Variants in ACAP2 observed in about 807,000 individuals in gnomAD.
ACAP2 encodes ArfGAP with coiled-coil, ankyrin repeat and PH domains 2, also known as arf-GAP with coiled-coil, ANK repeat and PH domain-containing protein 2.
A neutral mutation model predicts 115.8 loss-of-function variants in ACAP2; 39 were observed. The ratio of observed to expected loss-of-function variants is 0.34; its 90% CI spans 0.26 to 0.44. The LOEUF (loss-of-function observed/expected upper bound fraction) is 0.44, where lower values mean the gene tolerates loss of function less well. ACAP2 is among the 20% of genes least tolerant of loss of function. The probability of loss-of-function intolerance (pLI) is 1.00; values close to 1 mark genes in which losing one functional copy is unlikely to be tolerated. For missense variants in ACAP2, 662 were observed against 927.6 expected (o/e 0.71, Z 3.72); for synonymous variants, 289 against 315.8 (o/e 0.92, Z 0.90).
chr3:195,331,699 T>C (rs976858064), intron 8 of ACAP2, among the ~76,000 whole-genome samples: 1 of 152,010 alleles, frequency 6.6e-6, no homozygotes, highest in Admixed American at 6.6e-5. Context: ...AAATCGACAG[T>C]GTTAAAATAA....
chr3:195,343,803 A>G (rs534081874), intron 5 of ACAP2, among the ~76,000 whole-genome samples: 4 of 152,344 alleles, frequency 2.6e-5, no homozygotes, highest in Admixed American at 2.6e-4. Context: ...CTTGAAGACA[A>G]ATGATTTTAT....
intron 20 of ACAP2, among the ~76,000 whole-genome samples, chr3:195,289,658 T>C (rs1045924967): frequency 2.7e-5 from 4 of 147,706 alleles, no homozygotes; most frequent in African/African-American, 5.0e-5. Context: ...AAAAAAAACA[T>C]AGCCGGGTGT....
intron 11 of ACAP2, among the ~76,000 whole-genome samples, chr3:195,308,495 A>G (rs1728558418): frequency 6.6e-6 from 1 of 152,186 alleles, no homozygotes. Flanking sequence ...AAGTATGTAC[A>G]ACTAATATAT....
At chr3:195,414,597 T>C (rs1713562296) in intron 1 of ACAP2, among the ~76,000 whole-genome samples, 1 of 152,066 alleles carries the variant, frequency 6.6e-6, no homozygotes, top group Non-Finnish European at 1.5e-5. Flanking sequence ...CATTCAGCAC[T>C]AAAAAGAAAT....
intron 5 of ACAP2, among the ~76,000 whole-genome samples, chr3:195,343,775 G>T (rs959878028): frequency 1.3e-5 from 2 of 152,072 alleles, no homozygotes; most frequent in African/African-American, 4.8e-5. Context: ...TTTTCTACTA[G>T]GGAGCTAGGT....
chr3:195,318,825 A>G (rs757736757), intron 10 of ACAP2, among the ~76,000 whole-genome samples: 1 of 152,264 alleles, frequency 6.6e-6, no homozygotes, highest in African/African-American at 2.4e-5. Context: ...AATTCAAGCC[A>G]GCTGCAAAAA....
At chr3:195,313,622 C>T (rs1051250051) in intron 10 of ACAP2, among the ~76,000 whole-genome samples, 1 of 152,142 alleles carries the variant, frequency 6.6e-6, no homozygotes, top group African/African-American at 2.4e-5. Flanking sequence ...AGAAATAAAA[C>T]ATTTACATCT....
Position 195,307,288 on chromosome 3 carries a change from A to G in ACAP2, c.945T>C (p.Leu315=), listed in dbSNP as rs1728485223. The change falls in exon 12 of 23, where the codon CTT becomes CTC. Residue 315 remains leucine (L), a synonymous_variant. Coordinates refer to ENST00000326793, the MANE Select transcript of ACAP2 (RefSeq NM_012287.6). ...NPTVVVEDLR[L]CTVKHCEDIE... ...TGTCTTCACAATGTTTCACTGTGCA[A>G]AGCCTGAGGTCTTCAACTACCACAG... is the stretch of plus-strand genomic sequence containing the variant. The G allele has an allele frequency of 1.2e-6, 2 of 1,613,262 alleles. No individual in the cohort carries two copies. The highest frequency in any genetic ancestry group is 1.7e-6 in the Non-Finnish European group (2 of 1,179,462).
At chr3:195,343,874 T>C (rs934391133) in intron 5 of ACAP2, among the ~76,000 whole-genome samples, 3 of 152,196 alleles carry the variant, frequency 2.0e-5, no homozygotes, top group African/African-American at 7.2e-5. Context: ...TGCCATAAAC[T>C]GTTATGTGTG....
chr3:195,395,343 G>C (rs1577409210), intron 1 of ACAP2, among the ~76,000 whole-genome samples: 2 of 152,094 alleles, frequency 1.3e-5, no homozygotes, highest in East Asian at 3.9e-4. Flanking sequence ...AGTAATAAGG[G>C]AGATAGATGT....
chr3:195,379,458 T>TCAA (rs762499348), intron 4 of ACAP2, among the ~76,000 whole-genome samples: 2,665 of 151,708 alleles, frequency 0.018, 80 homozygotes, highest in African/African-American at 0.06. Flanking sequence ...CAAGTGTAAG[T>TCAA]CAACAACAAC....
Position 195,280,426 on chromosome 3 carries a change from C to T in ACAP2, c.2237-998G>A, listed in dbSNP as rs187105828. Among the ~76,000 whole-genome samples the T allele has an allele frequency of 9.3e-3, 1,411 of 151,968 alleles. 21 individuals are homozygous for T. Among genetic ancestry groups the T allele is most frequent in the African/African-American group, 0.033 (1,358 of 41,428 alleles). ...GGTGGAGGTTGCAGTGAGCTGAGAT[C>T]GCACCACTGCACTCCAGCCTGGGCA... On this transcript the variant is annotated intron_variant, in intron 22 of 22. Coordinates refer to ENST00000326793, the MANE Select transcript of ACAP2 (RefSeq NM_012287.6).
In ACAP2 at chr3:195,319,994, C is replaced by T. The variant is rs367921893; in HGVS notation, c.857+707G>A. The stretch of plus-strand genomic sequence containing the variant: ...GGTGACTGGGTCATGGGAGCGGTTT[C>T]CCCCATGCTGTTCTCATGATAGTGA... On this transcript the variant is annotated intron_variant, in intron 10 of 22. Transcript: ENST00000326793. 3.9e-5 allele frequency among the ~76,000 whole-genome samples: 6 copies of T among 152,208 alleles called. No individual in the cohort carries two copies. In the East Asian group the frequency reaches 1.2e-3, roughly 29 times the overall value.
At chr3:195,398,668 A>AATAC (rs1219021106) in intron 1 of ACAP2, among the ~76,000 whole-genome samples, 1 of 151,524 alleles carries the variant, frequency 6.6e-6, no homozygotes, top group Admixed American at 6.6e-5. Context: ...TAAATAAATA[A>AATAC]ATAAATAAAT....
intron 1 of ACAP2, among the ~76,000 whole-genome samples, chr3:195,400,014 A>G (rs1294583957): frequency 3.3e-5 from 5 of 151,938 alleles, no homozygotes; most frequent in African/African-American, 7.2e-5. Context: ...CCCTGTCTCT[A>G]CTAAAAATAC....
chr3:195,413,109 T>C (rs1220441497), intron 1 of ACAP2, among the ~76,000 whole-genome samples: 1 of 152,248 alleles, frequency 6.6e-6, no homozygotes, highest in Non-Finnish European at 1.5e-5. Context: ...CAGTTAAATT[T>C]AGACCTTAAG....
chr3:195,301,691 G>A (rs537626251), intron 14 of ACAP2, 47 bp from the exon 15 acceptor site: 34 of 1,545,378 alleles, frequency 2.2e-5, no homozygotes, highest in Admixed American at 7.3e-5. Flanking sequence ...CTCTGTTTGC[G>A]TATTTGCGCA....
At chr3:195,304,095 TG>T (rs762521762) in intron 13 of ACAP2, among the ~76,000 whole-genome samples, 11 of 118,056 alleles carry the variant, frequency 9.3e-5, no homozygotes, top group Non-Finnish European at 1.3e-4. Context: ...ACCTGGGAGG[TG>T]GAAGTTGCAG....
chr3:195,442,213 A>T (rs1229732618), intron 1 of ACAP2: 2 of 152,802 alleles, frequency 1.3e-5, no homozygotes, highest in African/African-American at 2.4e-5. Context: ...GCACGCATCC[A>T]CCGCGGGCGC....
Sources: allele counts gnomAD v4.1 joint callset (sites outside exome capture counted in the v4.1 genomes callset), GRCh38; gene constraint gnomAD v4.1.1; transcripts MANE v1.5; gene names NCBI Gene and HGNC (gene_info 2026-07-23, HGNC 2026-07-21).